The following ITGA8 variants were observed in gnomAD, a reference collection of about 807,000 sequenced individuals.
ITGA8 encodes integrin alpha-8.
In ITGA8, 91 loss-of-function variants were observed where a neutral mutation model predicts 142.3. The ratio of observed to expected loss-of-function variants is 0.64; its 90% confidence interval spans 0.54 to 0.76. The LOEUF (loss-of-function observed/expected upper bound fraction) is 0.76. Among genes scored for constraint, ITGA8 ranks in the 30% least tolerant of loss-of-function variants. The pLI is 0.00. For synonymous variants in ITGA8, 505 were observed against 485.2 expected, an observed-to-expected ratio of 1.04 and a Z score of -0.54; for missense variants, 1,406 against 1,327.7, an observed-to-expected ratio of 1.06 and a Z score of -0.92.
In ITGA8 at chr10:15,514,739, G is replaced by C. The variant is rs1325456422; in HGVS notation, c.*2419C>G. ...ATTCTAAAGGGCAGAGGGCCACTGC[G>C]TGCATGCGCGTGTGTACAACGGCCT... On this transcript the variant is annotated 3_prime_UTR_variant, in exon 30 of 30. Transcript: ENST00000378076. 1 of 152,222 alleles carries C rather than the reference G, an allele frequency of 6.6e-6. No individual in the cohort carries two copies. The highest frequency in any genetic ancestry group is 1.5e-5 in the Non-Finnish European group (1 of 68,076). The allele number at this position is 152,222 out of a possible 1,614,324, so 9.4% of individuals were successfully genotyped here. A position where few individuals can be genotyped will look rare whatever the true frequency, so the allele number is the denominator to read the frequency against.
At chr10:15,671,814 A>C (rs567243118) in intron 7 of ITGA8, among the ~76,000 whole-genome samples, 167 bp from the exon 8 acceptor site, 3 of 151,314 alleles carry the variant, frequency 2.0e-5, no homozygotes, top group South Asian at 4.2e-4. Context: ...TCACACCAAA[A>C]GGAACACTTT....
chr10:15,657,149 G>A (rs768021392), intron 10 of ITGA8, among the ~76,000 whole-genome samples: 12 of 152,100 alleles, frequency 7.9e-5, no homozygotes, highest in Non-Finnish European at 1.5e-4. Flanking sequence ...TGAGGTTCAG[G>A]ATTACAGAAC....
At chr10:15,690,210 G>A (rs1003397090) in intron 2 of ITGA8, among the ~76,000 whole-genome samples, 9 of 152,268 alleles carry the variant, frequency 5.9e-5, no homozygotes, top group African/African-American at 1.9e-4. Context: ...TTCGCACCCG[G>A]CCTCACAGAG....
chr10:15,575,706 G>A (rs1423054990), intron 23 of ITGA8, 112 bp from the exon 24 acceptor site: 5 of 761,852 alleles, frequency 6.6e-6, no homozygotes, highest in Admixed American at 2.1e-5. Context: ...ATTTATTTGA[G>A]TAGATACTCC....
intron 21 of ITGA8, among the ~76,000 whole-genome samples, chr10:15,593,948 T>A (rs988841727): frequency 2.6e-5 from 4 of 151,762 alleles, no homozygotes; most frequent in African/African-American, 7.3e-5. Context: ...TTCAAGTGAT[T>A]CTCCTGCCTC....
intron 12 of ITGA8, among the ~76,000 whole-genome samples, chr10:15,644,510 T>A (rs1361686785): frequency 4.9e-5 from 4 of 81,738 alleles, no homozygotes; most frequent in South Asian, 4.8e-4. Flanking sequence ...TTTTTTTTTT[T>A]GAGCAATGGG....
At chr10:15,624,728 G>A (rs1042644231) in intron 13 of ITGA8, among the ~76,000 whole-genome samples, 2 of 152,070 alleles carry the variant, frequency 1.3e-5, no homozygotes, top group Admixed American at 6.5e-5. Context: ...TTTTAAAGAC[G>A]AACTAAGGCC....
At position 15,644,575 on chromosome 10, in the gene ITGA8, C is replaced by G. The variant is rs1207093831; in HGVS notation, c.1208-354G>C. ...AATTCCTGGCCTCAAGTGATCACCC[C>G]ACCTCAGCCTCCCACACTGTTGGGA... On this transcript the variant is annotated intron_variant, in intron 12 of 29. Transcript: ENST00000378076. 5.4e-5 allele frequency among the ~76,000 whole-genome samples: 8 copies of G among 146,930 alleles called. No homozygotes were observed. In the Admixed American group the frequency reaches 5.5e-4, roughly 10 times the overall value.
At position 15,567,659 on chromosome 10, in the gene ITGA8, T is replaced by C. The variant is rs80154433; in HGVS notation, c.2637+4552A>G. ...GAACTCAAAGGCAGAGACATTTTCA[T>C]TGGGAGGCAAAAGAGAAAGTGGGAA... On this transcript the variant is annotated intron_variant, in intron 25 of 29. Coordinates refer to ENST00000378076, the MANE Select transcript of ITGA8 (RefSeq NM_003638.3). 5.6e-3 allele frequency among the ~76,000 whole-genome samples: 853 copies of C among 152,224 alleles called. 9 individuals are homozygous for C. The highest frequency in any genetic ancestry group is 0.019 in the African/African-American group (793 of 41,538).
chr10:15,680,773 A>T (rs1023193039), intron 4 of ITGA8, among the ~76,000 whole-genome samples: 6 of 143,220 alleles, frequency 4.2e-5, no homozygotes, highest in African/African-American at 7.6e-5. Context: ...GAAAACATTC[A>T]TTTTTTTTTT....
chr10:15,618,427 A>G (rs1833432832), intron 13 of ITGA8, among the ~76,000 whole-genome samples: 1 of 152,218 alleles, frequency 6.6e-6, no homozygotes, highest in South Asian at 2.1e-4. Context: ...GTGTAATAGA[A>G]TTTGTACAGA....
chr10:15,549,227 T>TTTTTTTTTTTTTTTTTTA, intron 26 of ITGA8, among the ~76,000 whole-genome samples: 1 of 121,404 alleles, frequency 8.2e-6, no homozygotes, highest in African/African-American at 4.0e-5. Context: ...TTTTTTTTTT[T>TTTTTTTTTTTTTTTTTTA]GAGACAGAGT....
At position 15,671,665 on chromosome 10, in the gene ITGA8, A is replaced by C; in HGVS notation, c.803-18T>G. 6.2e-7 allele frequency: 1 copy of C among 1,600,258 alleles called. No homozygotes were observed. Among genetic ancestry groups the C allele is most frequent in the Non-Finnish European group, 8.6e-7 (1 of 1,167,658 alleles). On this transcript the variant is annotated intron_variant, in intron 7 of 29. Coordinates refer to ENST00000378076, the MANE Select transcript of ITGA8 (RefSeq NM_003638.3). ...TGAGTATCCTGTTTTAAAGAAAAAG[A>C]AACAAACTAATCACACTTAATGACT...
chr10:15,631,984 T>C (rs1447657281), intron 13 of ITGA8, among the ~76,000 whole-genome samples: 19 of 152,062 alleles, frequency 1.2e-4, no homozygotes. Context: ...AATAGCCATA[T>C]AGTTAGATCT....
chr10:15,670,552 A>G (rs1003918116), intron 8 of ITGA8, among the ~76,000 whole-genome samples: 1 of 152,198 alleles, frequency 6.6e-6, no homozygotes, highest in Non-Finnish European at 1.5e-5. Flanking sequence ...GATAAATAAT[A>G]ACAATACATA....
intron 5 of ITGA8, among the ~76,000 whole-genome samples, chr10:15,677,954 G>C (rs998236228): frequency 1.3e-5 from 2 of 152,174 alleles, no homozygotes; most frequent in Non-Finnish European, 2.9e-5. Flanking sequence ...GTGCTGTGCA[G>C]TTTTGCAGAC....
chr10:15,620,117 T>C (rs2131622642), intron 13 of ITGA8, among the ~76,000 whole-genome samples: 1 of 152,308 alleles, frequency 6.6e-6, no homozygotes, highest in East Asian at 1.9e-4. Flanking sequence ...TTTGCATGCA[T>C]GTTACCAGGC....
At chr10:15,520,903 G>A (rs1485001212) in intron 28 of ITGA8, among the ~76,000 whole-genome samples, 1 of 152,198 alleles carries the variant, frequency 6.6e-6, no homozygotes, top group East Asian at 1.9e-4. Context: ...TAATGACTAA[G>A]GTTGGCGGCT....
intron 10 of ITGA8, among the ~76,000 whole-genome samples, chr10:15,656,975 A>T (rs1187457290): frequency 6.6e-6 from 1 of 152,336 alleles, no homozygotes; most frequent in South Asian, 2.1e-4. Flanking sequence ...TTTGCAGAGA[A>T]AATGAATACA....
Sources: gnomAD v4.1 joint callset for allele counts (sites outside exome capture counted in the v4.1 genomes callset) on GRCh38, gnomAD v4.1.1 for gene constraint, MANE v1.5 for transcripts, NCBI Gene and HGNC (gene_info 2026-07-23, HGNC 2026-07-21) for gene names.